RB1: variants seen among roughly 807,000 people sequenced by gnomAD.
The protein encoded by RB1 is RB transcriptional corepressor 1.
RB1 carries 18 observed loss-of-function variants against 135.4 expected under a neutral mutation model. The ratio of observed to expected loss-of-function variants is 0.13; its 90% confidence interval spans 0.09 to 0.20. RB1 has a LOEUF of 0.20. Among genes scored for constraint, RB1 ranks in the 10% least tolerant of loss-of-function variants. The pLI, the probability that RB1 is intolerant of heterozygous loss-of-function variation, is 1.00. For missense variants in RB1, 868 were observed against 1,110.0 expected, an observed-to-expected ratio of 0.78 and a Z score of 3.10; for synonymous variants, 365 against 373.2, an observed-to-expected ratio of 0.98 and a Z score of 0.25.
chr13:48,393,144 T>G (rs1948623805), intron 17 of RB1, among the ~76,000 whole-genome samples: 1 of 152,202 alleles, frequency 6.6e-6, no homozygotes, highest in Non-Finnish European at 1.5e-5. Context: ...AGGATTCTAC[T>G]CCTTCCCATG....
chr13:48,406,978 C>T lies in RB1; in HGVS notation c.1695+25535C>T, dbSNP rs528076577. 8.8e-4 allele frequency among the ~76,000 whole-genome samples: 134 copies of T among 152,312 alleles called. 1 individual carries two copies. Among genetic ancestry groups the T allele is most frequent in the Non-Finnish European group, 4.9e-4 (33 of 68,030 alleles). ...ACATTGTGTCTGTTGTTTAGTCTTA[C>T]AGTTCCTCAGTTTCCCCAGCCTAAG... On this transcript the variant is annotated intron_variant, in intron 17 of 26. Coordinates refer to ENST00000267163, the MANE Select transcript of RB1 (RefSeq NM_000321.3).
chr13:48,452,704 C>T (rs1949335129), intron 17 of RB1, among the ~76,000 whole-genome samples: 1 of 152,008 alleles, frequency 6.6e-6, no homozygotes. Flanking sequence ...ATTTCTTTCT[C>T]TCCACTTTCT....
rs776987458 is a variant in RB1 at position 48,464,986 on chromosome 13, G to A, written c.2212-12G>A. 77 of 734,700 alleles carry A rather than the reference G, an allele frequency of 1.0e-4. No individual in the cohort carries two copies. The highest frequency in any genetic ancestry group is 1.3e-4 in the Non-Finnish European group (67 of 510,494). The allele number at this position is 734,700 out of a possible 1,614,324, so 45.5% of individuals were successfully genotyped here. On this transcript the variant is annotated splice_polypyrimidine_tract_variant and intron_variant, in intron 21 of 26. Transcript: ENST00000267163. ...TTTTTTTTTTTTTTTTTTTTTTACT[G>A]TTCTTCCTCAGACATTCAAACGTGT... is the stretch of plus-strand genomic sequence containing the variant.
intron 17 of RB1, chr13:48,408,566 T>C (rs996008904): frequency 1.8e-4 from 27 of 152,242 alleles, no homozygotes; most frequent in African/African-American, 6.3e-4. Context: ...AATATTAATA[T>C]AGGTTTTTCT....
chr13:48,335,124 A>G (rs1458018258), intron 2 of RB1, among the ~76,000 whole-genome samples: 1 of 152,076 alleles, frequency 6.6e-6, no homozygotes, highest in Non-Finnish European at 1.5e-5. Flanking sequence ...GTTTTTTCAC[A>G]AAATTGGAAT....
intron 17 of RB1, among the ~76,000 whole-genome samples, chr13:48,390,411 C>G (rs1221548418): frequency 6.6e-6 from 1 of 152,002 alleles, no homozygotes; most frequent in East Asian, 1.9e-4. Flanking sequence ...CATGAGGATC[C>G]TGGCCAAGGA....
chr13:48,408,270 AATAC>A (rs1322024316), intron 17 of RB1, among the ~76,000 whole-genome samples: 1 of 151,866 alleles, frequency 6.6e-6, no homozygotes, highest in Non-Finnish European at 1.5e-5. Flanking sequence ...TAATATATAT[AATAC>A]ATATATTTTT....
chr13:48,348,643 A>G (rs1438232313), intron 5 of RB1, among the ~76,000 whole-genome samples: 3 of 151,486 alleles, frequency 2.0e-5, no homozygotes, highest in Non-Finnish European at 3.0e-5. Flanking sequence ...TTTCTTTTAC[A>G]AAATTTTTCT....
intron 2 of RB1, among the ~76,000 whole-genome samples, chr13:48,308,656 A>C (rs1952106936): frequency 6.6e-6 from 1 of 152,106 alleles, no homozygotes; most frequent in Admixed American, 6.5e-5. Flanking sequence ...CATCTCAAAA[A>C]AAAAACAAAA....
At chr13:48,363,599 T>G (rs551630948) in intron 8 of RB1, among the ~76,000 whole-genome samples, 18 of 152,252 alleles carry the variant, frequency 1.2e-4, no homozygotes, top group African/African-American at 4.3e-4. Flanking sequence ...CTTAGAAAAC[T>G]CTAGTGCTCT....
In RB1 at chr13:48,453,086, C is replaced by A. The variant is rs1566233076; in HGVS notation, c.1789C>A (p.Gln597Lys). The A allele has an allele frequency of 5.0e-6, 8 of 1,612,862 alleles. No homozygotes were observed. In the South Asian group the frequency reaches 8.8e-5, roughly 18 times the overall value. The stretch of plus-strand genomic sequence containing the variant: ...TGCTTGTCCTCTTAATCTTCCTCTC[C>A]AGAATAATCACACTGCAGCAGATAT... Reference protein sequence around the residue: ...ESACPLNLPLQNNHTAADMYL... With the variant: ...ESACPLNLPLKNNHTAADMYL... The change falls in exon 18 of 27, where the codon CAG becomes AAG. Residue 597 changes from glutamine to lysine, a missense_variant. Transcript: ENST00000267163.
chr13:48,472,716 ATAT>A (rs1949478899), intron 23 of RB1, among the ~76,000 whole-genome samples: 1 of 152,140 alleles, frequency 6.6e-6, no homozygotes, highest in South Asian at 2.1e-4. Context: ...GGTTAATCAA[ATAT>A]TATATGTAGA....
chr13:48,442,266 T>C (rs1031506639), intron 17 of RB1, among the ~76,000 whole-genome samples: 1 of 152,008 alleles, frequency 6.6e-6, no homozygotes, highest in African/African-American at 2.4e-5. Flanking sequence ...AGTGGCACCA[T>C]CTCCACTCAC....
intron 17 of RB1, among the ~76,000 whole-genome samples, chr13:48,385,615 A>C (rs1236270825): frequency 6.6e-6 from 1 of 152,138 alleles, no homozygotes; most frequent in African/African-American, 2.4e-5. Context: ...CCTGCAAGGG[A>C]AAGAGCCAAG....
At chr13:48,304,181 C>T in intron 1 of RB1, 132 bp downstream of exon 1, 2 of 1,012,994 alleles carry the variant, frequency 2.0e-6, no homozygotes, top group Non-Finnish European at 2.6e-6. Context: ...GGCGCCCTCC[C>T]TGCCCCCCGC....
chr13:48,368,276 A>G (rs1438700481), intron 10 of RB1, among the ~76,000 whole-genome samples: 1 of 152,168 alleles, frequency 6.6e-6, no homozygotes, highest in Non-Finnish European at 1.5e-5. Flanking sequence ...TTTCACTTTT[A>G]AAAAAAGACT....
At chr13:48,388,569 A>G (rs991337359) in intron 17 of RB1, among the ~76,000 whole-genome samples, 4 of 152,148 alleles carry the variant, frequency 2.6e-5, no homozygotes, top group African/African-American at 7.2e-5. Flanking sequence ...AATGCTTAGA[A>G]AAGTTTAATA....
intron 17 of RB1, among the ~76,000 whole-genome samples, chr13:48,421,821 C>T (rs541294932): frequency 6.6e-6 from 1 of 152,252 alleles, no homozygotes; most frequent in East Asian, 1.9e-4. Flanking sequence ...CAATGAGATA[C>T]CATCTCATGG....
rs1400706441 is a variant in RB1 at position 48,412,392 on chromosome 13, T to C, written c.1695+30949T>C. ...CAAAGTGTACTTAAAGGAGTCATTATAGAAGCAGTGGGAGCTGTTAACGCT... is the reference window on the plus strand; with the variant it reads ...CAAAGTGTACTTAAAGGAGTCATTACAGAAGCAGTGGGAGCTGTTAACGCT... On this transcript the variant is annotated intron_variant, in intron 17 of 26. Transcript: ENST00000267163. The C allele has an allele frequency of 2.5e-6, 4 of 1,613,950 alleles. No individual in the cohort carries two copies. The highest frequency in any genetic ancestry group is 2.7e-5 in the African/African-American group (2 of 74,930).
Sources: gnomAD v4.1 joint callset for allele counts (sites outside exome capture counted in the v4.1 genomes callset) on GRCh38, gnomAD v4.1.1 for gene constraint, MANE v1.5 for transcripts, NCBI Gene and HGNC (gene_info 2026-07-23, HGNC 2026-07-21) for gene names.